PIGQ: variants seen among roughly 807,000 people sequenced by gnomAD.
The protein encoded by PIGQ is phosphatidylinositol glycan anchor biosynthesis class Q.
Under a neutral mutation model 60.3 loss-of-function variants are expected in PIGQ, and 54 were observed. That is an observed-to-expected ratio of 0.90 (90% CI 0.72 to 1.12). The LOEUF is 1.12. Among genes scored for constraint, PIGQ ranks in the 50% most tolerant of loss-of-function variants. The probability of loss-of-function intolerance (pLI) is 0.00; values close to 1 mark genes in which losing one functional copy is unlikely to be tolerated. For synonymous variants in PIGQ, 416 were observed against 363.7 expected (o/e 1.14, Z -1.64); for missense variants, 799 against 793.5 (o/e 1.01, Z -0.08).
At position 578,542 on chromosome 16, in the gene PIGQ, G is replaced by C. The variant is rs2035758129; in HGVS notation, c.1069+37G>C. 3.1e-6 allele frequency: 5 copies of C among 1,600,076 alleles called. No homozygotes were observed. The African/African-American group carries it at 4.0e-5, about 13-fold the overall frequency. On this transcript the variant is annotated intron_variant, in intron 5 of 10. Transcript: ENST00000321878. ...GCAGGCGGGGGCCCCAGGGACCCCAGAGCTTGCTGAAGAGGGTAGGGACCC... is the reference window on the plus strand; with the variant it reads ...GCAGGCGGGGGCCCCAGGGACCCCACAGCTTGCTGAAGAGGGTAGGGACCC...
rs1249538886 is a variant in PIGQ, at chr16:576,197, G to T, written c.885G>T (p.Trp295Cys). 3.9e-6 allele frequency: 6 copies of T among 1,550,048 alleles called. No individual in the cohort carries two copies. Among genetic ancestry groups the T allele is most frequent in the Middle Eastern group, 1.7e-4 (1 of 5,990 alleles). ...CCCTGGGCCTCATGCTGCTGTCCTG[G>T]CTCCACGGGAGAAGCCGCATCGGGC... ...DVALGLMLLSWLHGRSRIGHL... is the reference protein window; with the variant it reads ...DVALGLMLLSCLHGRSRIGHL... The change falls in exon 4 of 11, where the codon TGG becomes TGT. Residue 295 changes from tryptophan (W) to cysteine (C), a missense_variant. By Grantham distance (215) the Trp-to-Cys change is radical (BLOSUM62 -2). Transcript: ENST00000321878.
rs370118218 is a variant in PIGQ at position 578,322 on chromosome 16, G to A, written c.943-57G>A. On this transcript the variant is annotated intron_variant, in intron 4 of 10. Coordinates refer to ENST00000321878, the MANE Select transcript of PIGQ (RefSeq NM_004204.5). ...AGCCCATCACGAAAGAGCCTGGGGA[G>A]ATGCAGGTGCTGAGCCTGGCTGCCC... The A allele has an allele frequency of 4.7e-3, 7,279 of 1,564,278 alleles. 29 individuals carry two copies. The highest frequency in any genetic ancestry group is 5.9e-3 in the Non-Finnish European group (6,892 of 1,159,056).
rs540997464 is a variant in PIGQ at position 583,037 on chromosome 16, G to A, written c.*2G>A. ...CAGAGAGGGGACAAGCAGGACTGAG[G>A]GAACTGCTGGCTCGCCTGGCACCAC... On this transcript the variant is annotated 3_prime_UTR_variant, in exon 11 of 11. Transcript: ENST00000321878. 6.2e-7 allele frequency: 1 copy of A among 1,613,112 alleles called. No individual in the cohort carries two copies. The highest frequency in any genetic ancestry group is 1.3e-5 in the African/African-American group (1 of 75,052).
chr16:582,478 C>A (rs1458183969), intron 10 of PIGQ, 169 bp downstream of exon 10: 2 of 598,974 alleles, frequency 3.3e-6, no homozygotes, highest in Non-Finnish European at 5.9e-6. Context: ...TCCCCCTTAC[C>A]CCCAGGGCCT....
At chr16:582,204 C>T (rs893132176) in intron 9 of PIGQ, 44 bp from the exon 10 acceptor site, 1 of 1,410,318 alleles carries the variant, frequency 7.1e-7, no homozygotes. Flanking sequence ...TGTGTGGGGC[C>T]AGCCCCCACG....
At chr16:574,812 G>T (rs2035693882) in intron 2 of PIGQ, 49 bp downstream of exon 2, 1 of 1,373,148 alleles carries the variant, frequency 7.3e-7, no homozygotes, top group South Asian at 1.4e-5. Flanking sequence ...TCCCATGAGT[G>T]CTGGCCCATC....
At chr16:578,082 G>A (rs972928626) in intron 4 of PIGQ, 1 of 320,136 alleles carries the variant, frequency 3.1e-6, no homozygotes, top group Non-Finnish European at 5.9e-6. Context: ...TGTGGCCGAG[G>A]TAGTGAGAGG....
At position 582,307 on chromosome 16, in the gene PIGQ, C is replaced by A; in HGVS notation, c.1591C>A (p.Gln531Lys). The A allele has an allele frequency of 6.3e-7, 1 of 1,596,356 alleles. No individual in the cohort carries two copies. The highest frequency in any genetic ancestry group is 8.6e-7 in the Non-Finnish European group (1 of 1,169,552). ...EAGRPLRLLMQINPLPYSRVV... is the reference protein window; with the variant it reads ...EAGRPLRLLMKINPLPYSRVV... The stretch of plus-strand genomic sequence containing the variant: ...CGGCAGGCCCCTCCGCCTCCTGATG[C>A]AGGTGAGGCCCCTTGTGGCCAGGAC... Residue 531 changes from glutamine to lysine, a missense_variant and splice_region_variant, in exon 10 of 11, where the codon CAG becomes AAG. Gln to Lys is a moderately conservative substitution (Grantham distance 53, BLOSUM62 1). Coordinates refer to ENST00000321878, the MANE Select transcript of PIGQ (RefSeq NM_004204.5).
intron 10 of PIGQ, 100 bp from the exon 11 acceptor site, chr16:582,783 C>T: frequency 7.9e-7 from 1 of 1,269,098 alleles, no homozygotes; most frequent in Non-Finnish European, 1.1e-6. Context: ...ATGTCTGAGA[C>T]AGCACTGGCC....
At chr16:578,537 C>T (rs377482802) in intron 5 of PIGQ, 32 bp downstream of exon 5, 103 of 1,601,430 alleles carry the variant, frequency 6.4e-5, no homozygotes, top group Non-Finnish European at 8.4e-5. Context: ...GCCCCAGGGA[C>T]CCCAGAGCTT....
intron 4 of PIGQ, chr16:577,959 C>A (rs1180672933): frequency 5.7e-6 from 1 of 174,980 alleles, no homozygotes; most frequent in African/African-American, 2.4e-5. Flanking sequence ...TGGGGTGGGG[C>A]CTCTGGAGGG....
chr16:580,088 C>T (rs1374986546), intron 7 of PIGQ, 95 bp from the exon 8 acceptor site: 2 of 923,854 alleles, frequency 2.2e-6, no homozygotes, highest in South Asian at 1.7e-5. Flanking sequence ...CCGCAAGGTC[C>T]CGACTGCAGC....
chr16:577,849 C>T (rs1596384934), intron 4 of PIGQ: 1 of 153,036 alleles, frequency 6.5e-6, no homozygotes, highest in East Asian at 1.9e-4. Flanking sequence ...GCCATCCTCC[C>T]TCTGGGGACC....
chr16:583,174 A>G lies in PIGQ; in HGVS notation c.*139A>G, dbSNP rs753911561. The G allele has an allele frequency of 5.0e-6, 8 of 1,613,150 alleles. No individual in the cohort carries two copies. In the African/African-American group the frequency reaches 9.3e-5, roughly 19 times the overall value. ...GCTCCTGAACACGGCAGGCCCTGCT[A>G]TCACACCTTGGGCTTGGAGGTCATT... On this transcript the variant is annotated 3_prime_UTR_variant, in exon 11 of 11. Transcript: ENST00000321878.
chr16:574,298 A>G lies in PIGQ; in HGVS notation c.224A>G (p.Glu75Gly). 6.2e-7 allele frequency: 1 copy of G among 1,606,408 alleles called. No homozygotes were observed. Among genetic ancestry groups the G allele is most frequent in the Non-Finnish European group, 8.5e-7 (1 of 1,179,026 alleles). Reference protein sequence around the residue: ...TWCHCRQEPEESLGRFLESLG... With the variant: ...TWCHCRQEPEGSLGRFLESLG... Reference sequence around the variant, plus strand: ...TGCCACTGCCGGCAGGAGCCCGAGGAGAGCCTGGGCCGCTTCCTGGAGAGC... The same window carrying G: ...TGCCACTGCCGGCAGGAGCCCGAGGGGAGCCTGGGCCGCTTCCTGGAGAGC... The change falls in exon 2 of 11, where the codon GAG becomes GGG. Residue 75 changes from glutamate (E) to glycine (G), a missense_variant. Coordinates refer to ENST00000321878, the MANE Select transcript of PIGQ (RefSeq NM_004204.5).
chr16:580,139 C>T lies in PIGQ; in HGVS notation c.1336-44C>T, dbSNP rs147872253. The T allele has an allele frequency of 7.3e-4, 1,104 of 1,509,894 alleles. 4 individuals carry two copies. In the African/African-American group the frequency reaches 0.012, roughly 17 times the overall value. The allele number at this position is 1,509,894 out of a possible 1,614,324, so 93.5% of individuals were successfully genotyped here. On this transcript the variant is annotated intron_variant, in intron 7 of 10. Coordinates refer to ENST00000321878, the MANE Select transcript of PIGQ (RefSeq NM_004204.5). ...GGCACAGTGCTGGGCCGTCCCTGGG[C>T]GCGGGGTCCTGCTGATGCCCGGTGT...
In PIGQ at chr16:576,266, G is replaced by A. The variant is rs2035716394; in HGVS notation, c.942+12G>A. 2 of 1,553,946 alleles carry A rather than the reference G, an allele frequency of 1.3e-6. No individual in the cohort carries two copies. The highest frequency in any genetic ancestry group is 8.7e-7 in the Non-Finnish European group (1 of 1,149,456). On this transcript the variant is annotated intron_variant, in intron 4 of 10. Transcript: ENST00000321878. ...TTCCTGTGGCTGACGTGAGTGGACTGGGGTGGAGCCCGGTGTCCCGGGTGG... is the reference window on the plus strand; with the variant it reads ...TTCCTGTGGCTGACGTGAGTGGACTAGGGTGGAGCCCGGTGTCCCGGGTGG...
chr16:582,140 GC>G (rs1567177991), intron 9 of PIGQ, 107 bp from the exon 10 acceptor site: 1 of 829,762 alleles, frequency 1.2e-6, no homozygotes. Context: ...GGTGGCCACG[GC>G]CAGCAGCACC....
chr16:582,073 C>T lies in PIGQ; in HGVS notation c.1532-175C>T, dbSNP rs916414. 310,732 of 671,026 alleles carry T rather than the reference C, an allele frequency of 0.46. 76,204 individuals carry two copies. Among genetic ancestry groups the T allele is most frequent in the East Asian group, 0.67 (24,112 of 35,934 alleles). The allele number at this position is 671,026 out of a possible 1,614,324, so 41.6% of individuals were successfully genotyped here. A position where few individuals can be genotyped will look rare whatever the true frequency, so the allele number is the denominator to read the frequency against. On this transcript the variant is annotated intron_variant, in intron 9 of 10. Coordinates refer to ENST00000321878, the MANE Select transcript of PIGQ (RefSeq NM_004204.5). Reference sequence around the variant, plus strand: ...GCCTGGCTGCAGGAGGCTTTGATGCCGGCCTGGCAGCCAGCTCCAGGAGTT... The same window carrying T: ...GCCTGGCTGCAGGAGGCTTTGATGCTGGCCTGGCAGCCAGCTCCAGGAGTT...
Sources: gnomAD v4.1 joint callset for allele counts on GRCh38, gnomAD v4.1.1 for gene constraint, MANE v1.5 for transcripts, NCBI Gene and HGNC (gene_info 2026-07-23, HGNC 2026-07-21) for gene names.